Variants in PDE8B observed in about 807,000 individuals in gnomAD.
The protein encoded by PDE8B is phosphodiesterase 8B, also known as high affinity cAMP-specific and IBMX-insensitive 3',5'-cyclic phosphodiesterase 8B.
In PDE8B, 26 loss-of-function variants were observed where a neutral mutation model predicts 101.3. The ratio of observed to expected loss-of-function variants is 0.26; its 90% confidence interval spans 0.19 to 0.36. The LOEUF is 0.36. Ranked by LOEUF, PDE8B falls within the 10% of genes least tolerant of loss-of-function variation. PDE8B has a pLI of 1.00. For synonymous variants in PDE8B, 424 were observed against 429.3 expected (o/e 0.99, Z 0.15); for missense variants, 810 against 1,163.1 (o/e 0.70, Z 4.42).
At chr5:77,190,425 A>G in the PDE8B span, among the ~76,000 whole-genome samples, 1 of 152,230 alleles carries the variant, frequency 6.6e-6, no homozygotes, top group Admixed American at 6.5e-5. Context: ...ATGAATCATA[A>G]TTAGTGGAAA....
At chr5:77,248,549 CTA>C (rs1757429548) in intron 1 of PDE8B, among the ~76,000 whole-genome samples, 1 of 152,134 alleles carries the variant, frequency 6.6e-6, no homozygotes, top group African/African-American at 2.4e-5. Context: ...TACCTTATCA[CTA>C]CAGGGAAAAA....
intron 10 of PDE8B, among the ~76,000 whole-genome samples, chr5:77,388,466 GC>G (rs1262787308): frequency 6.6e-6 from 1 of 152,206 alleles, no homozygotes; most frequent in Non-Finnish European, 1.5e-5. Flanking sequence ...AGGGGCACCA[GC>G]CAGATGCCAG....
At chr5:77,413,414 C>A in intron 17 of PDE8B, 105 bp downstream of exon 17, 2 of 1,000,944 alleles carry the variant, frequency 2.0e-6, no homozygotes, top group Non-Finnish European at 3.0e-6. Context: ...ACCAAGTTGA[C>A]AGCTTTTTTA....
intron 1 of PDE8B, chr5:77,291,221 T>C: frequency 1.2e-6 from 2 of 1,611,560 alleles, no homozygotes; most frequent in Non-Finnish European, 1.7e-6. Context: ...ATCATGAGGT[T>C]GTAAACAGAC....
chr5:77,153,152 G>A, the PDE8B span, among the ~76,000 whole-genome samples: 3 of 152,152 alleles, frequency 2.0e-5, no homozygotes, highest in Non-Finnish European at 2.9e-5. Flanking sequence ...TCATGGCAAA[G>A]CATTACTCAC....
the PDE8B span, among the ~76,000 whole-genome samples, chr5:77,178,352 T>G: frequency 3.3e-5 from 5 of 152,250 alleles, no homozygotes; most frequent in African/African-American, 1.2e-4. Flanking sequence ...TCTGTTGGGT[T>G]GTTTTTGCAT....
At chr5:77,322,261 T>C (rs1038433798) in intron 2 of PDE8B, among the ~76,000 whole-genome samples, 6 of 152,122 alleles carry the variant, frequency 3.9e-5, no homozygotes, top group African/African-American at 1.4e-4. Flanking sequence ...AAGGGCATGC[T>C]CACAGGAGAA....
At chr5:77,158,746 T>C in the PDE8B span, among the ~76,000 whole-genome samples, 2 of 152,172 alleles carry the variant, frequency 1.3e-5, no homozygotes. Flanking sequence ...GGGTGTGGCC[T>C]GTCCTCAGTC....
intron 1 of PDE8B, among the ~76,000 whole-genome samples, chr5:77,274,850 C>G (rs1432076566): frequency 2.0e-5 from 3 of 151,988 alleles, no homozygotes; most frequent in Admixed American, 6.6e-5. Context: ...CCATGCCATG[C>G]AAATTGTCAT....
chr5:77,254,744 G>A (rs1348386500), intron 1 of PDE8B, among the ~76,000 whole-genome samples: 1 of 152,102 alleles, frequency 6.6e-6, no homozygotes, highest in African/African-American at 2.4e-5. Context: ...GATTTCTTTT[G>A]TGCCTGCTGT....
the PDE8B span, among the ~76,000 whole-genome samples, chr5:77,116,315 TC>T: frequency 7.3e-6 from 1 of 137,154 alleles, no homozygotes; most frequent in Non-Finnish European, 1.5e-5. Context: ...CACCGCAACC[TC>T]CACCTCCCGG....
intron 10 of PDE8B, among the ~76,000 whole-genome samples, chr5:77,399,853 C>G (rs1205411702): frequency 6.6e-6 from 1 of 152,166 alleles, no homozygotes. Context: ...TATTCTGTAG[C>G]ACAGAAAAAT....
intron 10 of PDE8B, among the ~76,000 whole-genome samples, chr5:77,354,855 C>A (rs1183952282): frequency 6.6e-6 from 1 of 152,228 alleles, no homozygotes; most frequent in African/African-American, 2.4e-5. Flanking sequence ...CCTTCATGAC[C>A]CAGTGCAAGA....
the PDE8B span, among the ~76,000 whole-genome samples, chr5:77,172,811 C>T: frequency 5.9e-5 from 9 of 152,298 alleles, no homozygotes; most frequent in East Asian, 9.6e-4. Flanking sequence ...CAGTGGGTGT[C>T]GGAGTAGGTA....
rs1758159432 is a variant in PDE8B at position 77,252,015 on chromosome 5, A to G, written c.339+40751A>G. 1.3e-5 allele frequency among the ~76,000 whole-genome samples: 2 copies of G among 152,102 alleles called. 1 individual carries two copies. The highest frequency in any genetic ancestry group is 4.1e-4 in the South Asian group (2 of 4,820). On this transcript the variant is annotated intron_variant, in intron 1 of 21. Coordinates refer to ENST00000264917, the MANE Select transcript of PDE8B (RefSeq NM_003719.5). ...GGCAGCCTCTATTTCTGTTGTTTCT[A>G]CTGGCTCTCGCCTGTGTGGTTACAT...
chr5:77,311,025 A>G (rs1043086758), intron 1 of PDE8B, among the ~76,000 whole-genome samples: 2 of 152,132 alleles, frequency 1.3e-5, no homozygotes, highest in Admixed American at 6.5e-5. Flanking sequence ...GGTCACTGCA[A>G]GTGTCTCTGG....
At chr5:77,288,860 T>A (rs958325174) in intron 1 of PDE8B, among the ~76,000 whole-genome samples, 15 of 117,838 alleles carry the variant, frequency 1.3e-4, no homozygotes, top group African/African-American at 2.3e-4. Flanking sequence ...TTTTTTTTTT[T>A]ATTGTTACTT....
chr5:77,259,066 A>ACCC lies in PDE8B; in HGVS notation c.339+47803_339+47804insCCC, dbSNP rs1234322626. Reference sequence around the variant, plus strand: ...CACACACAGACACACACACACACACACACCCCCGCCCCCCCCCCACACACA... The same window carrying ACCC: ...CACACACAGACACACACACACACACACCCCACCCCCGCCCCCCCCCCACACACA... On this transcript the variant is annotated intron_variant, in intron 1 of 21. Coordinates refer to ENST00000264917, the MANE Select transcript of PDE8B (RefSeq NM_003719.5). Among the ~76,000 whole-genome samples the ACCC allele has an allele frequency of 4.5e-4, 29 of 64,716 alleles. 3 individuals are homozygous for ACCC. Among genetic ancestry groups the ACCC allele is most frequent in the African/African-American group, 4.9e-4 (8 of 16,332 alleles). 42.5% of individuals were successfully genotyped at this position (64,716 alleles called of 152,430 possible). A position where few individuals can be genotyped will look rare whatever the true frequency, so the allele number is the denominator to read the frequency against.
intron 11 of PDE8B, 104 bp from the exon 12 acceptor site, chr5:77,404,616 A>G: frequency 1.3e-6 from 1 of 749,194 alleles, no homozygotes; most frequent in Non-Finnish European, 2.4e-6. Flanking sequence ...GTGCTTAAAA[A>G]GTAACCTTGT....
Sources: gnomAD v4.1 joint callset for allele counts (sites outside exome capture counted in the v4.1 genomes callset) on GRCh38, gnomAD v4.1.1 for gene constraint, MANE v1.5 for transcripts, NCBI Gene and HGNC (gene_info 2026-07-23, HGNC 2026-07-21) for gene names.